The following ATP10B variants were observed in gnomAD, a reference collection of about 807,000 sequenced individuals.
ATP10B encodes the protein ATPase phospholipid transporting 10B (putative), also known as phospholipid-transporting ATPase VB.
ATP10B carries 122 observed loss-of-function variants against 141.2 expected under a neutral mutation model. The ratio of observed to expected loss-of-function variants is 0.86; its 90% CI spans 0.75 to 1.00. The LOEUF (loss-of-function observed/expected upper bound fraction) is 1.00, where lower values mean the gene tolerates loss of function less well. Ranked by LOEUF, ATP10B falls within the 50% of genes least tolerant of loss-of-function variation. The probability of loss-of-function intolerance (pLI) is 0.00; values close to 1 mark genes in which losing one functional copy is unlikely to be tolerated. For missense variants in ATP10B, 1,876 were observed against 1,825.3 expected, an observed-to-expected ratio of 1.03 and a Z score of -0.51; for synonymous variants, 685 against 692.0, an observed-to-expected ratio of 0.99 and a Z score of 0.16.
At chr5:160,739,734 A>C (rs985058003) in intron 2 of ATP10B, among the ~76,000 whole-genome samples, 1 of 152,180 alleles carries the variant, frequency 6.6e-6, no homozygotes, top group African/African-American at 2.4e-5. Context: ...ACTGAAAGGG[A>C]TTCTGGTGTT....
intron 6 of ATP10B, among the ~76,000 whole-genome samples, chr5:160,682,136 A>C (rs1401872429): frequency 6.6e-6 from 1 of 152,236 alleles, no homozygotes; most frequent in Non-Finnish European, 1.5e-5. Context: ...AAAAGTAAAA[A>C]TTCCCAAACT....
chr5:160,702,503 A>T (rs1448295164), intron 3 of ATP10B, among the ~76,000 whole-genome samples: 1 of 152,252 alleles, frequency 6.6e-6, no homozygotes, highest in Non-Finnish European at 1.5e-5. Flanking sequence ...ATGCAATTTC[A>T]CTTGGGATCT....
At chr5:160,646,326 T>C (rs936811864) in intron 8 of ATP10B, among the ~76,000 whole-genome samples, 2 of 152,212 alleles carry the variant, frequency 1.3e-5, no homozygotes, top group Non-Finnish European at 2.9e-5. Context: ...TTGACCCTAT[T>C]CTAATGTTTG....
chr5:160,704,163 C>T (rs1206466021), intron 3 of ATP10B, among the ~76,000 whole-genome samples: 1 of 152,088 alleles, frequency 6.6e-6, no homozygotes, highest in Admixed American at 6.5e-5. Context: ...GCGATCCTCT[C>T]GCCTCAGCCT....
chr5:160,827,122 C>T (rs1450407044), intron 1 of ATP10B, among the ~76,000 whole-genome samples: 2 of 152,126 alleles, frequency 1.3e-5, no homozygotes, highest in Non-Finnish European at 2.9e-5. Flanking sequence ...TTAATAAAAA[C>T]CTGCTGATTT....
the ATP10B span, among the ~76,000 whole-genome samples, chr5:160,892,277 A>G: frequency 2.1e-3 from 320 of 152,188 alleles, no homozygotes; most frequent in African/African-American, 7.4e-3. Flanking sequence ...GCCTCTCCCA[A>G]TTTCACCTGC....
At chr5:160,651,205 A>G (rs1760708580) in intron 7 of ATP10B, among the ~76,000 whole-genome samples, 1 of 152,168 alleles carries the variant, frequency 6.6e-6, no homozygotes, top group African/African-American at 2.4e-5. Flanking sequence ...GGTCAAACCT[A>G]TTTAAATCTC....
chr5:160,778,715 C>T (rs1269342292), intron 2 of ATP10B, among the ~76,000 whole-genome samples: 1 of 152,282 alleles, frequency 6.6e-6, no homozygotes, highest in African/African-American at 2.4e-5. Context: ...TACATATACA[C>T]ATAGTAAGGG....
At position 160,670,568 on chromosome 5, in the gene ATP10B, G is replaced by A. The variant is rs370577903; in HGVS notation, c.570C>T (p.Leu190=). 1.1e-5 allele frequency: 17 copies of A among 1,613,902 alleles called. No homozygotes were observed. In the African/African-American group the frequency reaches 2.0e-4, roughly 19 times the overall value. Residue 190 remains leucine (L), a synonymous_variant, in exon 7 of 26, where the codon CTC becomes CTT. Coordinates refer to ENST00000327245, the MANE Select transcript of ATP10B (RefSeq NM_025153.3). ...CNEIVPADIL[L]LFSSDPNGIC... The stretch of plus-strand genomic sequence containing the variant: ...TCCCATTGGGGTCAGAGGAAAAAAG[G>A]AGGAGTATGTCTGCTGGGACAATCT...
intron 24 of ATP10B, among the ~76,000 whole-genome samples, chr5:160,586,527 G>T (rs991869663): frequency 2.0e-5 from 3 of 152,150 alleles, no homozygotes; most frequent in Non-Finnish European, 2.9e-5. Context: ...GGTATTTCTG[G>T]TTCTAGATCC....
At chr5:160,873,955 G>A in the ATP10B span, among the ~76,000 whole-genome samples, 1 of 152,264 alleles carries the variant, frequency 6.6e-6, no homozygotes. Flanking sequence ...GCCAGGCTGG[G>A]GGAGGGGCGC....
chr5:160,728,032 A>G (rs1373721491), intron 2 of ATP10B, among the ~76,000 whole-genome samples: 1 of 152,230 alleles, frequency 6.6e-6, no homozygotes, highest in Non-Finnish European at 1.5e-5. Flanking sequence ...CCAGGTGTAG[A>G]AGAAAGACAA....
intron 1 of ATP10B, among the ~76,000 whole-genome samples, chr5:160,798,999 G>T (rs1772162726): frequency 6.6e-6 from 1 of 151,970 alleles, no homozygotes; most frequent in African/African-American, 2.4e-5. Context: ...TGATCCACCT[G>T]CCCGGCTTCC....
the ATP10B span, among the ~76,000 whole-genome samples, chr5:160,921,164 G>A: frequency 1.3e-5 from 2 of 151,742 alleles, no homozygotes; most frequent in African/African-American, 4.8e-5. Flanking sequence ...TCCTCTACAG[G>A]ATCAAATATT....
intron 2 of ATP10B, among the ~76,000 whole-genome samples, chr5:160,777,821 G>A (rs1489267308): frequency 6.6e-6 from 1 of 152,160 alleles, no homozygotes; most frequent in African/African-American, 2.4e-5. Context: ...TCTATAAGGA[G>A]CTGTTACATA....
chr5:160,822,779 T>A (rs767143681), intron 1 of ATP10B, among the ~76,000 whole-genome samples: 4 of 151,608 alleles, frequency 2.6e-5, no homozygotes, highest in Non-Finnish European at 5.9e-5. Context: ...AAACTTCACA[T>A]ATTCTCACTT....
At chr5:160,895,350 T>A in the ATP10B span, among the ~76,000 whole-genome samples, 34 of 151,062 alleles carry the variant, frequency 2.3e-4, no homozygotes, top group Non-Finnish European at 3.1e-4. Context: ...AATAAAGGGG[T>A]GGAGAAATAT....
intron 2 of ATP10B, among the ~76,000 whole-genome samples, chr5:160,750,644 G>A (rs1768092142): frequency 6.6e-6 from 1 of 152,138 alleles, no homozygotes; most frequent in African/African-American, 2.4e-5. Flanking sequence ...CTCTGCTGCA[G>A]GTATGATGTT....
rs1021361650 is a variant in ATP10B at position 160,602,876 on chromosome 5, G to A, written c.3238-174C>T. On this transcript the variant is annotated intron_variant, in intron 20 of 25. Coordinates refer to ENST00000327245, the MANE Select transcript of ATP10B (RefSeq NM_025153.3). ...ATTCTGACACCCCACCCTCCCTTCT[G>A]GGAAATCCAAACCTCTCTAGAATCC... 82 of 717,288 alleles carry A rather than the reference G, an allele frequency of 1.1e-4. No individual in the cohort carries two copies. In the Middle Eastern group the frequency reaches 1.3e-3, roughly 11 times the overall value. 44.4% of individuals were successfully genotyped at this position (717,288 alleles called of 1,614,324 possible).
Sources: gnomAD v4.1 joint callset for allele counts (sites outside exome capture counted in the v4.1 genomes callset) on GRCh38, gnomAD v4.1.1 for gene constraint, MANE v1.5 for transcripts, NCBI Gene and HGNC (gene_info 2026-07-23, HGNC 2026-07-21) for gene names.